DPP10: variants seen among roughly 807,000 people sequenced by gnomAD.
DPP10 encodes the protein inactive dipeptidyl peptidase 10.
In DPP10, 33 loss-of-function variants were observed where a neutral mutation model predicts 120.9. That is an observed-to-expected ratio of 0.27 (90% CI 0.21 to 0.37). The LOEUF (loss-of-function observed/expected upper bound fraction) is 0.37, where lower values mean the gene tolerates loss of function less well. Among genes scored for constraint, DPP10 ranks in the 10% least tolerant of loss-of-function variants. The pLI, the probability that DPP10 is intolerant of heterozygous loss-of-function variation, is 1.00. For missense variants in DPP10, 816 were observed against 942.8 expected (o/e 0.87, Z 1.76); for synonymous variants, 337 against 326.1 (o/e 1.03, Z -0.36).
Position 115,689,758 on chromosome 2 carries a change from T to A in DPP10, c.494+19T>A. 1 of 1,606,484 alleles carries A rather than the reference T, an allele frequency of 6.2e-7. No individual in the cohort carries two copies. The highest frequency in any genetic ancestry group is 1.7e-5 in the Admixed American group (1 of 59,450). On this transcript the variant is annotated intron_variant, in intron 6 of 25. Transcript: ENST00000410059. ...ACACTAGGTAAGTTCTTTGATTTTC[T>A]AGTTTTCATGAGCAATTGTGTTACT...
chr2:115,705,444 A>G (rs1052105013), intron 7 of DPP10, among the ~76,000 whole-genome samples: 1 of 151,924 alleles, frequency 6.6e-6, no homozygotes, highest in Admixed American at 6.6e-5. Context: ...GGTGCCAAGC[A>G]CGTTCTGGGC....
intron 1 of DPP10, among the ~76,000 whole-genome samples, chr2:114,688,705 G>A (rs184410314): frequency 9.1e-4 from 137 of 151,100 alleles, no homozygotes; most frequent in African/African-American, 3.2e-3. Context: ...TGACAAGTGC[G>A]CATGTGAGGA....
chr2:114,445,747 A>G (rs1006900202), intron 1 of DPP10, among the ~76,000 whole-genome samples: 1 of 152,074 alleles, frequency 6.6e-6, no homozygotes, highest in Non-Finnish European at 1.5e-5. Flanking sequence ...AGGTTGCTTG[A>G]CACTTGCTTT....
chr2:115,385,149 GA>G (rs1318992993), intron 3 of DPP10, among the ~76,000 whole-genome samples: 1 of 152,214 alleles, frequency 6.6e-6, no homozygotes, highest in East Asian at 1.9e-4. Context: ...TCAGCAACAT[GA>G]AAACGGACTA....
At chr2:115,005,764 G>T (rs1438527163) in intron 1 of DPP10, among the ~76,000 whole-genome samples, 3 of 152,120 alleles carry the variant, frequency 2.0e-5, no homozygotes, top group African/African-American at 7.2e-5. Context: ...AAGTGATGGG[G>T]AGAATGGAAC....
At chr2:115,706,174 A>T (rs1270281612) in intron 7 of DPP10, among the ~76,000 whole-genome samples, 3 of 152,010 alleles carry the variant, frequency 2.0e-5, no homozygotes, top group African/African-American at 2.4e-5. Flanking sequence ...CAAATATGCA[A>T]TTATGTTATA....
At chr2:114,647,975 ATTTG>A (rs1393417839) in intron 1 of DPP10, among the ~76,000 whole-genome samples, 1 of 152,076 alleles carries the variant, frequency 6.6e-6, no homozygotes, top group East Asian at 1.9e-4. Context: ...TCCAAGGAAT[ATTTG>A]TTTAACAAAC....
intron 7 of DPP10, among the ~76,000 whole-genome samples, chr2:115,727,363 C>T (rs1005005578): frequency 3.9e-5 from 6 of 152,222 alleles, no homozygotes; most frequent in Non-Finnish European, 1.5e-5. Flanking sequence ...GAGAGATTAT[C>T]TAGAGATTAT....
intron 1 of DPP10, among the ~76,000 whole-genome samples, chr2:114,802,381 C>T (rs1249466989): frequency 6.6e-6 from 1 of 152,096 alleles, no homozygotes; most frequent in East Asian, 1.9e-4. Context: ...TAAATATAGC[C>T]TGGCATTCTG....
In DPP10 at chr2:115,845,206, T is replaced by A. The variant is rs1473556631; in HGVS notation, c.*2861T>A. Reference sequence around the variant, plus strand: ...AGTCTCTAGAATCACTGACAGCACATAGCTTCTATGAGGAGTTATATATGA... The same window carrying A: ...AGTCTCTAGAATCACTGACAGCACAAAGCTTCTATGAGGAGTTATATATGA... On this transcript the variant is annotated 3_prime_UTR_variant, in exon 26 of 26. Transcript: ENST00000410059. The A allele has an allele frequency of 6.6e-6, 1 of 152,216 alleles. No individual in the cohort carries two copies. Among genetic ancestry groups the A allele is most frequent in the Non-Finnish European group, 1.5e-5 (1 of 68,034 alleles). 9.4% of individuals were successfully genotyped at this position (152,216 alleles called of 1,614,324 possible).
chr2:115,619,227 G>T (rs912944162), intron 5 of DPP10, among the ~76,000 whole-genome samples: 1 of 149,634 alleles, frequency 6.7e-6, no homozygotes, highest in Non-Finnish European at 1.5e-5. Flanking sequence ...ACAGGTGCGT[G>T]CCACCACGTC....
chr2:115,168,245 T>G (rs1205540456), intron 1 of DPP10, among the ~76,000 whole-genome samples: 1 of 152,232 alleles, frequency 6.6e-6, no homozygotes, highest in Non-Finnish European at 1.5e-5. Context: ...CCATATATTT[T>G]CATACTTGCT....
intron 5 of DPP10, among the ~76,000 whole-genome samples, chr2:115,601,972 C>T (rs574614334): frequency 1.1e-4 from 17 of 152,202 alleles, no homozygotes; most frequent in East Asian, 7.7e-4. Flanking sequence ...TGAGCCACCG[C>T]GCCCGGCCAA....
intron 1 of DPP10, among the ~76,000 whole-genome samples, chr2:114,573,686 A>G (rs188939368): frequency 6.6e-6 from 1 of 152,336 alleles, no homozygotes; most frequent in East Asian, 1.9e-4. Flanking sequence ...CTGCTAGGAA[A>G]GCTGTCTTGA....
intron 3 of DPP10, among the ~76,000 whole-genome samples, chr2:115,358,143 T>C (rs1381897850): frequency 1.3e-5 from 2 of 152,146 alleles, no homozygotes; most frequent in Non-Finnish European, 2.9e-5. Context: ...GCAGCCTGCT[T>C]GAATTTCTCC....
At chr2:115,107,626 A>C (rs1454596837) in intron 1 of DPP10, among the ~76,000 whole-genome samples, 1 of 152,008 alleles carries the variant, frequency 6.6e-6, no homozygotes, top group East Asian at 1.9e-4. Context: ...AGGTATAACA[A>C]AATCTTTTTC....
chr2:114,806,572 A>C (rs912153619), intron 1 of DPP10, among the ~76,000 whole-genome samples: 1 of 152,216 alleles, frequency 6.6e-6, no homozygotes, highest in Non-Finnish European at 1.5e-5. Flanking sequence ...ATGTGAGTCA[A>C]AGAACTTGTT....
chr2:114,922,800 G>A (rs1432799565), intron 1 of DPP10, among the ~76,000 whole-genome samples: 1 of 152,072 alleles, frequency 6.6e-6, no homozygotes, highest in African/African-American at 2.4e-5. Context: ...TCAGTTGATG[G>A]ACATTTGGGT....
intron 1 of DPP10, among the ~76,000 whole-genome samples, chr2:114,769,815 G>A (rs1236965395): frequency 3.3e-5 from 5 of 152,138 alleles, no homozygotes; most frequent in African/African-American, 1.2e-4. Context: ...ACATACAAAT[G>A]TCTTTTTATC....
Sources: gnomAD v4.1 joint callset for allele counts (sites outside exome capture counted in the v4.1 genomes callset) on GRCh38, gnomAD v4.1.1 for gene constraint, MANE v1.5 for transcripts, NCBI Gene and HGNC (gene_info 2026-07-23, HGNC 2026-07-21) for gene names.